The following UTRN variants were observed in gnomAD, a reference collection of about 807,000 sequenced individuals.
UTRN encodes the protein utrophin.
UTRN carries 283 observed loss-of-function variants against 463.9 expected under a neutral mutation model. That is an observed-to-expected ratio of 0.61 (90% confidence interval 0.55 to 0.67). The LOEUF (loss-of-function observed/expected upper bound fraction) is 0.67, where lower values mean the gene tolerates loss of function less well. Ranked by LOEUF, UTRN falls within the 30% of genes least tolerant of loss-of-function variation. The probability of loss-of-function intolerance (pLI) is 0.00; values close to 1 mark genes in which losing one functional copy is unlikely to be tolerated. For synonymous variants in UTRN, 1,442 were observed against 1,431.5 expected (o/e 1.01, Z -0.17); for missense variants, 3,922 against 4,084.3 (o/e 0.96, Z 1.08).
At chr6:144,653,824 G>A (rs529988999) in intron 51 of UTRN, among the ~76,000 whole-genome samples, 4 of 152,248 alleles carry the variant, frequency 2.6e-5, no homozygotes, top group African/African-American at 9.6e-5. Context: ...CATTTGATGG[G>A]CATTGTTAAA....
At chr6:144,366,125 C>T (rs919490171) in intron 2 of UTRN, among the ~76,000 whole-genome samples, 9 of 152,138 alleles carry the variant, frequency 5.9e-5, no homozygotes, top group Non-Finnish European at 1.3e-4. Flanking sequence ...CAATAAACAG[C>T]GTAATCGTCA....
intron 33 of UTRN, among the ~76,000 whole-genome samples, chr6:144,498,154 A>G (rs1030034417): frequency 1.3e-5 from 2 of 152,262 alleles, no homozygotes; most frequent in Non-Finnish European, 2.9e-5. Flanking sequence ...CATTGGGGTC[A>G]TTATTGAACT....
chr6:144,845,761 TG>T (rs1467104032), intron 73 of UTRN, among the ~76,000 whole-genome samples: 1 of 152,220 alleles, frequency 6.6e-6, no homozygotes, highest in Non-Finnish European at 1.5e-5. Context: ...TTCTCCTGGA[TG>T]TAACTTACAG....
chr6:144,756,486 G>A (rs1420264853), intron 57 of UTRN, among the ~76,000 whole-genome samples: 1 of 152,070 alleles, frequency 6.6e-6, no homozygotes, highest in African/African-American at 2.4e-5. Context: ...AAATGAGTGG[G>A]GAAGTGTAAA....
At chr6:144,825,745 C>T (rs1780118531) in intron 66 of UTRN, among the ~76,000 whole-genome samples, 1 of 152,092 alleles carries the variant, frequency 6.6e-6, no homozygotes, top group Admixed American at 6.5e-5. Flanking sequence ...TAAGCAGTTA[C>T]TGTTTTTAGA....
Position 144,542,797 on chromosome 6 carries a change from T to A in UTRN, c.6522T>A (p.Ile2174=), listed in dbSNP as rs752711032. The change falls in exon 46 of 75, where the codon ATT becomes ATA. Residue 2174 remains isoleucine (I), a splice_region_variant and synonymous_variant. Coordinates refer to ENST00000367545, the MANE Select transcript of UTRN (RefSeq NM_007124.3). Reference sequence around the variant, plus strand: ...TTCTGTTTGTCCTGATGCGGTAGATTTGCAGAGAGGTGCCTACCACCCTGA... The same window carrying A: ...TTCTGTTTGTCCTGATGCGGTAGATATGCAGAGAGGTGCCTACCACCCTGA... The part of the protein sequence containing the change: ...LRTVNMTWNK[I]CREVPTTLKE... 2 of 1,613,408 alleles carry A rather than the reference T, an allele frequency of 1.2e-6. No homozygotes were observed. The highest frequency in any genetic ancestry group is 1.7e-4 in the Middle Eastern group (1 of 6,060).
chr6:144,600,093 TTG>T (rs1202992533), intron 51 of UTRN, among the ~76,000 whole-genome samples: 3 of 152,202 alleles, frequency 2.0e-5, no homozygotes, highest in African/African-American at 7.2e-5. Context: ...TCGATAAATG[TTG>T]TGTGTGGTCT....
intron 34 of UTRN, among the ~76,000 whole-genome samples, chr6:144,508,548 G>A (rs1432889543): frequency 6.6e-6 from 1 of 152,110 alleles, no homozygotes; most frequent in Non-Finnish European, 1.5e-5. Context: ...GACACCCTCC[G>A]TGGGCTGCAC....
At chr6:144,288,686 G>T (rs1771471626) in intron 1 of UTRN, among the ~76,000 whole-genome samples, 3 of 147,024 alleles carry the variant, frequency 2.0e-5, no homozygotes, top group African/African-American at 7.5e-5. Context: ...AATGAAAAAA[G>T]TTTTTTAGAC....
intron 3 of UTRN, among the ~76,000 whole-genome samples, chr6:144,413,484 T>C (rs1341738815): frequency 6.6e-6 from 1 of 152,116 alleles, no homozygotes; most frequent in Non-Finnish European, 1.5e-5. Context: ...TGCAGGGAAC[T>C]AACCATAAGA....
At chr6:144,840,595 C>A in intron 72 of UTRN, 145 bp from the exon 73 acceptor site, 1 of 823,490 alleles carries the variant, frequency 1.2e-6, no homozygotes, top group Non-Finnish European at 1.9e-6. Context: ...GGGTATATTC[C>A]CCTAAAATTG....
At chr6:144,561,335 T>G (rs1799897190) in intron 50 of UTRN, among the ~76,000 whole-genome samples, 1 of 148,064 alleles carries the variant, frequency 6.8e-6, no homozygotes, top group African/African-American at 2.5e-5. Context: ...TGTGTGTTTA[T>G]ACACACACAT....
intron 52 of UTRN, among the ~76,000 whole-genome samples, chr6:144,679,638 A>T (rs1782007164): frequency 6.6e-6 from 1 of 152,178 alleles, no homozygotes; most frequent in Non-Finnish European, 1.5e-5. Context: ...TAGTTCCCTA[A>T]TCTATGTAAA....
chr6:144,677,328 C>T (rs1237036925), intron 51 of UTRN, among the ~76,000 whole-genome samples: 2 of 152,158 alleles, frequency 1.3e-5, no homozygotes, highest in Admixed American at 1.3e-4. Flanking sequence ...CATGTGTTCT[C>T]ATTTTTCAGC....
rs1279390642 is a variant in UTRN at position 144,678,438 on chromosome 6, C to T, written c.7512C>T (p.Asp2504=). ...AGGCAGAAATTGATGCCCACAATGACATATTTAAAAGCATTGACGGAAACA... is the reference window on the plus strand; with the variant it reads ...AGGCAGAAATTGATGCCCACAATGATATATTTAAAAGCATTGACGGAAACA... The part of the protein sequence containing the change: ...DIQAEIDAHN[D]IFKSIDGNRQ... The change falls in exon 52 of 75, where the codon GAC becomes GAT. Residue 2504 remains aspartate (D), a synonymous_variant. Coordinates refer to ENST00000367545, the MANE Select transcript of UTRN (RefSeq NM_007124.3). The T allele has an allele frequency of 6.2e-7, 1 of 1,612,826 alleles. No homozygotes were observed. The highest frequency in any genetic ancestry group is 1.7e-5 in the Admixed American group (1 of 59,874).
At chr6:144,741,012 C>T (rs530145388) in intron 54 of UTRN, among the ~76,000 whole-genome samples, 21 of 152,176 alleles carry the variant, frequency 1.4e-4, no homozygotes, top group East Asian at 3.9e-4. Flanking sequence ...CATAAAGGAC[C>T]GGAGGATACA....
intron 51 of UTRN, among the ~76,000 whole-genome samples, chr6:144,611,878 A>G (rs1562648081): frequency 1.3e-5 from 2 of 152,210 alleles, no homozygotes; most frequent in African/African-American, 2.4e-5. Context: ...GAATCCACAA[A>G]TGATTCTAAA....
At chr6:144,548,980 C>A in intron 47 of UTRN, 126 bp downstream of exon 47, 1 of 937,634 alleles carries the variant, frequency 1.1e-6, no homozygotes, top group Non-Finnish European at 1.6e-6. Flanking sequence ...CTGTATCTGT[C>A]AAACAACCAT....
chr6:144,725,124 A>C (rs1787720091), intron 53 of UTRN, among the ~76,000 whole-genome samples: 1 of 152,188 alleles, frequency 6.6e-6, no homozygotes, highest in African/African-American at 2.4e-5. Flanking sequence ...GAGGTAATTA[A>C]ATCATGGGGG....
Sources: allele counts gnomAD v4.1 joint callset (sites outside exome capture counted in the v4.1 genomes callset), GRCh38; gene constraint gnomAD v4.1.1; transcripts MANE v1.5; gene names NCBI Gene and HGNC (gene_info 2026-07-23, HGNC 2026-07-21).